Variants in PYGO1 observed in about 807,000 individuals in gnomAD.
PYGO1 encodes the protein pygopus family PHD finger 1.
A neutral mutation model predicts 29.5 loss-of-function variants in PYGO1; 6 were observed. The observed-to-expected ratio is 0.20, with a 90% confidence interval of 0.11 to 0.40. The LOEUF (loss-of-function observed/expected upper bound fraction) is 0.40, where lower values mean the gene tolerates loss of function less well. Among genes scored for constraint, PYGO1 ranks in the 10% least tolerant of loss-of-function variants. The pLI is 1.00. For missense variants in PYGO1, 515 were observed against 514.9 expected (o/e 1.00, Z 0.00); for synonymous variants, 186 against 180.5 (o/e 1.03, Z -0.24).
intron 1 of PYGO1, among the ~76,000 whole-genome samples, chr15:55,558,782 T>C (rs544773129): frequency 1.3e-5 from 2 of 152,024 alleles, no homozygotes; most frequent in South Asian, 2.1e-4. Flanking sequence ...GCCAGCCATA[T>C]GTAGAAAGCT....
At chr15:55,584,798 C>T (rs996582912) in intron 1 of PYGO1, among the ~76,000 whole-genome samples, 3 of 152,168 alleles carry the variant, frequency 2.0e-5, no homozygotes, top group Non-Finnish European at 4.4e-5. Flanking sequence ...GAGTAAGATA[C>T]TGTGTCACTA....
In PYGO1 at chr15:55,540,737, C is replaced by G. The variant is rs1262773398; in HGVS notation, c.*5286G>C. On this transcript the variant is annotated 3_prime_UTR_variant, in exon 3 of 3. Coordinates refer to ENST00000563719, the MANE Select transcript of PYGO1 (RefSeq NM_001367806.1). The stretch of plus-strand genomic sequence containing the variant: ...GAATTACAGTAATTTTGCCACAGAC[C>G]ACAGCACTAGTGCATGTGTTACTTT... The G allele has an allele frequency of 6.6e-6, 1 of 151,906 alleles. No individual in the cohort carries two copies. Among genetic ancestry groups the G allele is most frequent in the Admixed American group, 6.6e-5 (1 of 15,258 alleles). 9.4% of individuals were successfully genotyped at this position (151,906 alleles called of 1,614,324 possible).
intron 1 of PYGO1, among the ~76,000 whole-genome samples, chr15:55,575,818 A>G (rs1190778741): frequency 6.6e-6 from 1 of 152,142 alleles, no homozygotes; most frequent in Non-Finnish European, 1.5e-5. Context: ...CCAAGCCCAG[A>G]GGTATTAATA....
intron 1 of PYGO1, among the ~76,000 whole-genome samples, chr15:55,579,714 T>C (rs561401703): frequency 7.0e-4 from 106 of 152,284 alleles, no homozygotes; most frequent in Non-Finnish European, 1.2e-3. Flanking sequence ...ACAGACATAA[T>C]ATTACAATTA....
intron 1 of PYGO1, among the ~76,000 whole-genome samples, chr15:55,556,933 A>G (rs1017376344): frequency 3.9e-5 from 6 of 152,102 alleles, no homozygotes; most frequent in African/African-American, 2.4e-5. Context: ...ACATCCTCCC[A>G]AGACTGAACC....
intron 1 of PYGO1, among the ~76,000 whole-genome samples, chr15:55,571,094 T>C (rs2058978238): frequency 6.6e-6 from 1 of 152,172 alleles, no homozygotes; most frequent in African/African-American, 2.4e-5. Flanking sequence ...CTAGATATTT[T>C]ACACAAGTAG....
intron 1 of PYGO1, among the ~76,000 whole-genome samples, chr15:55,584,610 G>A (rs2059039093): frequency 6.6e-6 from 1 of 152,182 alleles, no homozygotes; most frequent in Non-Finnish European, 1.5e-5. Flanking sequence ...AGTAGTATGA[G>A]GGGAAATGGA....
chr15:55,569,608 TGA>T (rs1470731275), intron 1 of PYGO1, among the ~76,000 whole-genome samples: 3 of 152,232 alleles, frequency 2.0e-5, no homozygotes, highest in Non-Finnish European at 4.4e-5. Flanking sequence ...TGTGTGATTT[TGA>T]GAGATCTTCT....
chr15:55,572,452 T>C (rs1362031662), intron 1 of PYGO1, among the ~76,000 whole-genome samples: 2 of 152,180 alleles, frequency 1.3e-5, no homozygotes, highest in Non-Finnish European at 2.9e-5. Flanking sequence ...GTAAAACTCC[T>C]GGAAGAAAAG....
intron 1 of PYGO1, among the ~76,000 whole-genome samples, chr15:55,579,559 A>C (rs2059017518): frequency 6.6e-6 from 1 of 152,154 alleles, no homozygotes; most frequent in South Asian, 2.1e-4. Flanking sequence ...TCTGTCACCC[A>C]GGCTGGAGTG....
At chr15:55,581,886 A>G (rs2059026277) in intron 1 of PYGO1, among the ~76,000 whole-genome samples, 1 of 152,144 alleles carries the variant, frequency 6.6e-6, no homozygotes, top group African/African-American at 2.4e-5. Context: ...GCAGCTATGG[A>G]AAGGTCAAGA....
chr15:55,573,752 C>A (rs1036332295), intron 1 of PYGO1, among the ~76,000 whole-genome samples: 94 of 152,252 alleles, frequency 6.2e-4, no homozygotes, highest in African/African-American at 2.1e-3. Context: ...AAATAGGCTA[C>A]TGTTGACTGG....
intron 1 of PYGO1, among the ~76,000 whole-genome samples, chr15:55,580,741 G>T (rs1388864266): frequency 6.6e-6 from 1 of 152,102 alleles, no homozygotes; most frequent in East Asian, 1.9e-4. Flanking sequence ...CAGAGATTAG[G>T]GATAAAAAAG....
chr15:55,545,545 A>AT lies in PYGO1; in HGVS notation c.*477dup, dbSNP rs935952193. On this transcript the variant is annotated 3_prime_UTR_variant, in exon 3 of 3. Transcript: ENST00000563719. ...AGGAGGAATCTGGTGTCATACTATT[A>AT]TTTTTTTAATCCATAAAAATGTATG... 1 of 152,616 alleles carries AT rather than the reference A, an allele frequency of 6.6e-6. No homozygotes were observed. The highest frequency in any genetic ancestry group is 1.9e-4 in the East Asian group (1 of 5,188). 9.5% of individuals were successfully genotyped at this position (152,616 alleles called of 1,614,324 possible). A position where few individuals can be genotyped will look rare whatever the true frequency, so the allele number is the denominator to read the frequency against.
chr15:55,550,586 C>G (rs1197495943), intron 1 of PYGO1, among the ~76,000 whole-genome samples: 1 of 152,224 alleles, frequency 6.6e-6, no homozygotes, highest in Non-Finnish European at 1.5e-5. Context: ...TCTAGGTTCT[C>G]ATAACCCCAA....
At chr15:55,549,104 G>T in intron 1 of PYGO1, 109 bp from the exon 2 acceptor site, 1 of 795,084 alleles carries the variant, frequency 1.3e-6, no homozygotes, top group Non-Finnish European at 1.9e-6. Flanking sequence ...ATTTTCGTTA[G>T]ACAAGAGCAA....
intron 1 of PYGO1, among the ~76,000 whole-genome samples, chr15:55,558,106 C>T (rs2058915312): frequency 6.6e-6 from 1 of 152,130 alleles, no homozygotes. Context: ...ACCCCATTAG[C>T]CTCAGCCCAA....
At chr15:55,570,519 T>C (rs2058975869) in intron 1 of PYGO1, among the ~76,000 whole-genome samples, 1 of 120,642 alleles carries the variant, frequency 8.3e-6, no homozygotes, top group South Asian at 3.1e-4. Context: ...AAGCTTTTCA[T>C]ATACTAAAAA....
chr15:55,588,725 G>A (rs1595999174), upstream of PYGO1: 3 of 1,480,542 alleles, frequency 2.0e-6, no homozygotes, highest in African/African-American at 4.2e-5. Context: ...CGCAAGGAAA[G>A]GGCATCTCCG....
Sources: gnomAD v4.1 joint callset for allele counts (sites outside exome capture counted in the v4.1 genomes callset) on GRCh38, gnomAD v4.1.1 for gene constraint, MANE v1.5 for transcripts, NCBI Gene and HGNC (gene_info 2026-07-23, HGNC 2026-07-21) for gene names.